The following EEF1AKMT2 variants were observed in gnomAD, a reference collection of about 807,000 sequenced individuals.
EEF1AKMT2 encodes eukaryotic translation elongation factor 1 alpha lysine methyltransferase 2.
EEF1AKMT2 carries 32 observed loss-of-function variants against 35.8 expected under a neutral mutation model. The observed-to-expected ratio is 0.89, with a 90% CI of 0.67 to 1.20. The LOEUF is 1.20. EEF1AKMT2 is among the 50% of genes most tolerant of loss of function. The pLI is 0.00. For missense variants in EEF1AKMT2, 330 were observed against 347.5 expected (o/e 0.95, Z 0.40); for synonymous variants, 121 against 133.7 (o/e 0.91, Z 0.65).
At position 124,765,498 on chromosome 10, in the gene EEF1AKMT2, C is replaced by T. The variant is rs910480673; in HGVS notation, c.510G>A (p.Arg170=). ...TGGAGAGAGATTTCACATATTGCTT[C>T]CTCTTCTCAATTGCATTGTCAGGAT... is the stretch of plus-strand genomic sequence containing the variant. ...SLNPDNAIEK[R]KQYVKSLSRV... is the part of the protein sequence containing the mutation. Residue 170 remains arginine, a synonymous_variant, in exon 5 of 7, where the codon AGG becomes AGA. Coordinates refer to ENST00000368836, the MANE Select transcript of EEF1AKMT2 (RefSeq NM_212554.4). The T allele has an allele frequency of 6.2e-7, 1 of 1,613,942 alleles. No individual in the cohort carries two copies. The highest frequency in any genetic ancestry group is 8.5e-7 in the Non-Finnish European group (1 of 1,179,912).
chr10:124,775,231 C>T (rs1336311422), intron 3 of EEF1AKMT2, among the ~76,000 whole-genome samples: 1 of 152,122 alleles, frequency 6.6e-6, no homozygotes, highest in Admixed American at 6.6e-5. Flanking sequence ...TGCAATTCTC[C>T]ACCAGCCATG....
intron 3 of EEF1AKMT2, among the ~76,000 whole-genome samples, chr10:124,777,637 C>G (rs934815865): frequency 1.3e-5 from 2 of 152,060 alleles, no homozygotes; most frequent in African/African-American, 4.8e-5. Flanking sequence ...CCCACCCCAG[C>G]CTCTCAAGTA....
intron 3 of EEF1AKMT2, among the ~76,000 whole-genome samples, chr10:124,781,661 A>G (rs1950541818): frequency 6.6e-6 from 1 of 151,640 alleles, no homozygotes; most frequent in South Asian, 2.1e-4. Flanking sequence ...AGGTGAAATA[A>G]AGCTATTCTC....
chr10:124,791,732 G>A lies in EEF1AKMT2; in HGVS notation c.102C>T (p.Thr34=). 5.7e-6 allele frequency: 9 copies of A among 1,586,064 alleles called. No homozygotes were observed. The highest frequency in any genetic ancestry group is 7.7e-6 in the Non-Finnish European group (9 of 1,170,618). ...CCCAGCGTCACACTCACTGCTCGCG[G>A]GTCCCCAGCGCCGACGGGACGAAAC... is the stretch of plus-strand genomic sequence containing the variant. ...EDGFVPSALG[T]REHWDAVYER... Residue 34 remains threonine, a synonymous_variant, in exon 1 of 7, where the codon ACC becomes ACT. Transcript: ENST00000368836.
At chr10:124,760,563 A>AAATACATGTAAG in intron 6 of EEF1AKMT2, 60 bp from the exon 7 acceptor site, 1 of 1,265,084 alleles carries the variant, frequency 7.9e-7, no homozygotes, top group Non-Finnish European at 1.2e-6. Flanking sequence ...ACATGTATTT[A>AAATACATGTAAG]TATGCATGCA....
intron 3 of EEF1AKMT2, among the ~76,000 whole-genome samples, chr10:124,783,893 C>T (rs1329997341): frequency 3.3e-5 from 5 of 152,132 alleles, no homozygotes; most frequent in African/African-American, 4.8e-5. Flanking sequence ...GGTGCAATCT[C>T]GGCTCACCGC....
At chr10:124,767,419 A>C (rs1052082528) in intron 4 of EEF1AKMT2, among the ~76,000 whole-genome samples, 1 of 150,796 alleles carries the variant, frequency 6.6e-6, no homozygotes, top group Admixed American at 6.6e-5. Flanking sequence ...AGGCTGAGGC[A>C]GGAGAATTGC....
At chr10:124,761,731 CG>C (rs780286063) in intron 6 of EEF1AKMT2, among the ~76,000 whole-genome samples, 4 of 152,230 alleles carry the variant, frequency 2.6e-5, no homozygotes, top group Non-Finnish European at 5.9e-5. Flanking sequence ...CAAGACCAGC[CG>C]GGGCAACATG....
At chr10:124,790,110 G>T (rs1433374713) in intron 2 of EEF1AKMT2, among the ~76,000 whole-genome samples, 163 bp downstream of exon 2, 1 of 151,912 alleles carries the variant, frequency 6.6e-6, no homozygotes, top group Non-Finnish European at 1.5e-5. Flanking sequence ...GGCCAGGATG[G>T]TCTCTATCTC....
chr10:124,764,847 A>G (rs184958442), intron 5 of EEF1AKMT2, among the ~76,000 whole-genome samples: 1 of 152,358 alleles, frequency 6.6e-6, no homozygotes, highest in East Asian at 1.9e-4. Flanking sequence ...GATTCTATAA[A>G]TAATAGATTA....
In EEF1AKMT2 at chr10:124,759,739, CAACTT is replaced by C. The variant is rs1395480932; in HGVS notation, c.*759_*763del. 3 of 152,194 alleles carry C rather than the reference CAACTT, an allele frequency of 2.0e-5. No homozygotes were observed. The highest frequency in any genetic ancestry group is 4.4e-5 in the Non-Finnish European group (3 of 68,026). 9.4% of individuals were successfully genotyped at this position (152,194 alleles called of 1,614,324 possible). A position where few individuals can be genotyped will look rare whatever the true frequency, so the allele number is the denominator to read the frequency against. On this transcript the variant is annotated 3_prime_UTR_variant, in exon 7 of 7. Transcript: ENST00000368836. ...GAAAGGACTCAATTACTTAATAAGA[CAACTT>C]AACATAGCGCTAGCAAATAATAACA...
At chr10:124,769,908 T>C (rs957258498) in intron 4 of EEF1AKMT2, among the ~76,000 whole-genome samples, 2 of 127,180 alleles carry the variant, frequency 1.6e-5, no homozygotes, top group African/African-American at 6.0e-5. Context: ...ATCACACCAT[T>C]GCATTCCAGC....
At chr10:124,790,156 G>T in intron 2 of EEF1AKMT2, 117 bp downstream of exon 2, 2 of 724,364 alleles carry the variant, frequency 2.8e-6, no homozygotes, top group African/African-American at 1.8e-5. Context: ...GCCTCCCAAA[G>T]TGCTGGGATT....
At chr10:124,787,985 C>T (rs185094537) in intron 3 of EEF1AKMT2, among the ~76,000 whole-genome samples, 199 of 152,224 alleles carry the variant, frequency 1.3e-3, no homozygotes, top group African/African-American at 4.6e-3. Context: ...TTAACAATTC[C>T]CCATAGCCTA....
chr10:124,769,377 A>G (rs181763491), intron 4 of EEF1AKMT2, among the ~76,000 whole-genome samples: 1 of 151,684 alleles, frequency 6.6e-6, no homozygotes, highest in Admixed American at 6.6e-5. Context: ...GAAACGGGAA[A>G]GACTGGGGAA....
intron 6 of EEF1AKMT2, 102 bp downstream of exon 6, chr10:124,762,198 G>C: frequency 9.1e-6 from 8 of 877,164 alleles, no homozygotes; most frequent in Non-Finnish European, 1.2e-5. Flanking sequence ...CTGTGATTTT[G>C]TAAAGATCCA....
At chr10:124,769,418 A>AT (rs1247420921) in intron 4 of EEF1AKMT2, among the ~76,000 whole-genome samples, 17 of 151,746 alleles carry the variant, frequency 1.1e-4, no homozygotes, top group African/African-American at 3.9e-4. Context: ...CAAGAGTTTC[A>AT]TTTTGGACTA....
chr10:124,783,425 T>C (rs1464764004), intron 3 of EEF1AKMT2, among the ~76,000 whole-genome samples: 1 of 152,170 alleles, frequency 6.6e-6, no homozygotes, highest in Non-Finnish European at 1.5e-5. Context: ...ATTGCCGGCA[T>C]AAGCCACTGT....
intron 3 of EEF1AKMT2, among the ~76,000 whole-genome samples, chr10:124,785,786 C>T (rs1210420380): frequency 6.6e-6 from 1 of 151,292 alleles, no homozygotes; most frequent in Non-Finnish European, 1.5e-5. Flanking sequence ...ATCCCATCTA[C>T]TCAGGAGGCT....
Sources: allele counts gnomAD v4.1 joint callset (sites outside exome capture counted in the v4.1 genomes callset), GRCh38; gene constraint gnomAD v4.1.1; transcripts MANE v1.5; gene names NCBI Gene and HGNC (gene_info 2026-07-23, HGNC 2026-07-21).